Variants in PTAFR observed in about 807,000 individuals in gnomAD.
PTAFR encodes platelet-activating factor receptor.
PTAFR carries 8 observed loss-of-function variants against 14.7 expected under a neutral mutation model. That is an observed-to-expected ratio of 0.54 (90% CI 0.32 to 0.98). The LOEUF (loss-of-function observed/expected upper bound fraction) is 0.98. Among genes scored for constraint, PTAFR ranks in the 50% least tolerant of loss-of-function variants. The pLI is 0.04. For synonymous variants in PTAFR, 156 were observed against 176.5 expected, an observed-to-expected ratio of 0.88 and a Z score of 0.92; for missense variants, 337 against 451.2, an observed-to-expected ratio of 0.75 and a Z score of 2.29.
intron 1 of PTAFR, among the ~76,000 whole-genome samples, chr1:28,184,063 C>T (rs536796545): frequency 1.3e-5 from 2 of 149,290 alleles, no homozygotes; most frequent in South Asian, 2.1e-4. Context: ...TGCTTCCATA[C>T]TCACGTCCCC....
chr1:28,179,502 T>C (rs1646545759), upstream of PTAFR, among the ~76,000 whole-genome samples: 1 of 152,188 alleles, frequency 6.6e-6, no homozygotes, highest in Admixed American at 6.6e-5. Context: ...TAGCAAATTA[T>C]GTTGGCTCCA....
chr1:28,157,011 T>C (rs77257067), intron 1 of PTAFR, among the ~76,000 whole-genome samples: 4,784 of 152,248 alleles, frequency 0.031, 254 homozygotes, highest in African/African-American at 0.11. Context: ...TCCTGCACCC[T>C]GCCTGCCCAC....
At chr1:28,169,468 G>A (rs1166691542) in intron 1 of PTAFR, among the ~76,000 whole-genome samples, 1 of 152,118 alleles carries the variant, frequency 6.6e-6, no homozygotes, top group Non-Finnish European at 1.5e-5. Context: ...TTCATCAAGC[G>A]AAATAAAGGA....
intron 1 of PTAFR, among the ~76,000 whole-genome samples, chr1:28,192,155 T>G (rs1646658905): frequency 1.3e-5 from 2 of 152,080 alleles, no homozygotes; most frequent in South Asian, 2.1e-4. Flanking sequence ...CATTACAGCC[T>G]CTTAGTTGTG....
At position 28,148,533 on chromosome 1, in the gene PTAFR, A is replaced by C. The variant is rs2148990754; in HGVS notation, c.*1460T>G. The C allele has an allele frequency of 6.5e-6, 1 of 153,300 alleles. No individual in the cohort carries two copies. Among genetic ancestry groups the C allele is most frequent in the African/African-American group, 2.4e-5 (1 of 41,570 alleles). 9.5% of individuals were successfully genotyped at this position (153,300 alleles called of 1,614,324 possible). Reference sequence around the variant, plus strand: ...AGTCTCACTCTGTCGCCCAGGCTGGAGAGCAGTGGCGTGATCTCGGCTCAC... The same window carrying C: ...AGTCTCACTCTGTCGCCCAGGCTGGCGAGCAGTGGCGTGATCTCGGCTCAC... On this transcript the variant is annotated 3_prime_UTR_variant, in exon 2 of 2. Coordinates refer to ENST00000373857, the MANE Select transcript of PTAFR (RefSeq NM_000952.5).
intron 1 of PTAFR, among the ~76,000 whole-genome samples, chr1:28,166,563 C>T (rs374355276): frequency 1.4e-3 from 220 of 151,782 alleles, no homozygotes; most frequent in African/African-American, 5.0e-3. Flanking sequence ...CCCAGCTACT[C>T]GGGAGGCTGA....
intron 1 of PTAFR, among the ~76,000 whole-genome samples, chr1:28,157,347 C>A (rs1646275502): frequency 2.0e-5 from 3 of 151,992 alleles, no homozygotes; most frequent in Admixed American, 6.6e-5. Context: ...CCCACCATGG[C>A]CAGCTAATTT....
chr1:28,157,165 GGCT>G, intron 1 of PTAFR, among the ~76,000 whole-genome samples: 1 of 151,902 alleles, frequency 6.6e-6, no homozygotes, highest in Non-Finnish European at 1.5e-5. Context: ...TTTGAGACAG[GGCT>G]TGGCTCTGTC....
At position 28,159,442 on chromosome 1, in the gene PTAFR, C is replaced by T. The variant is rs143121303; in HGVS notation, c.-38-8383G>A. Among the ~76,000 whole-genome samples the T allele has an allele frequency of 4.6e-5, 7 of 152,278 alleles. No homozygotes were observed. The East Asian group carries it at 1.3e-3, about 29-fold the overall frequency. On this transcript the variant is annotated intron_variant, in intron 1 of 1. Transcript: ENST00000373857. ...TGGATGTGGAAACATGGAAATCAAT[C>T]TCATGTGATCAGATCATGTGATCAC...
intron 1 of PTAFR, among the ~76,000 whole-genome samples, chr1:28,187,439 G>A (rs990459237): frequency 5.3e-5 from 8 of 151,992 alleles, no homozygotes; most frequent in African/African-American, 1.2e-4. Flanking sequence ...AACAACCCAC[G>A]AAAAGCAAAA....
intron 1 of PTAFR, among the ~76,000 whole-genome samples, chr1:28,167,999 C>T (rs1186759008): frequency 7.8e-6 from 1 of 128,508 alleles, no homozygotes; most frequent in Non-Finnish European, 1.6e-5. Context: ...CGCTCTGTAG[C>T]GCAGGCTGGA....
intron 1 of PTAFR, among the ~76,000 whole-genome samples, chr1:28,175,798 A>T (rs2149003833): frequency 6.6e-6 from 1 of 152,210 alleles, no homozygotes; most frequent in Middle Eastern, 3.4e-3. Context: ...ATATGACCCG[A>T]CAATTCTGTG....
At position 28,148,354 on chromosome 1, in the gene PTAFR, G is replaced by A. The variant is rs1463066552; in HGVS notation, c.*1639C>T. 6.6e-6 allele frequency: 1 copy of A among 152,266 alleles called. No homozygotes were observed. The highest frequency in any genetic ancestry group is 1.5e-5 in the Non-Finnish European group (1 of 68,064). 9.4% of individuals were successfully genotyped at this position (152,266 alleles called of 1,614,324 possible). A position where few individuals can be genotyped will look rare whatever the true frequency, so the allele number is the denominator to read the frequency against. ...TTAGGAGGACCCTCCCAGAGGGCAAGGGAGGAGAGAACTGACAGACCCTTC... is the reference window on the plus strand; with the variant it reads ...TTAGGAGGACCCTCCCAGAGGGCAAAGGAGGAGAGAACTGACAGACCCTTC... On this transcript the variant is annotated 3_prime_UTR_variant, in exon 2 of 2. Transcript: ENST00000373857.
chr1:28,170,108 C>T (rs1646435578), intron 1 of PTAFR, among the ~76,000 whole-genome samples: 1 of 152,160 alleles, frequency 6.6e-6, no homozygotes, highest in African/African-American at 2.4e-5. Context: ...GGAAATTCCA[C>T]CTCAAGTTCC....
chr1:28,173,955 G>A (rs1310065968), intron 1 of PTAFR, among the ~76,000 whole-genome samples: 3 of 152,144 alleles, frequency 2.0e-5, no homozygotes, highest in Non-Finnish European at 4.4e-5. Context: ...CTCCTGGGAG[G>A]GGAGCTGTCT....
chr1:28,190,893 C>T (rs1256334762), intron 1 of PTAFR, among the ~76,000 whole-genome samples: 1 of 152,186 alleles, frequency 6.6e-6, no homozygotes, highest in Non-Finnish European at 1.5e-5. Context: ...CACTTCACAA[C>T]GGTGTCACCT....
Position 28,149,962 on chromosome 1 carries a change from G to A in PTAFR, c.*31C>T. 1 of 1,587,630 alleles carries A rather than the reference G, an allele frequency of 6.3e-7. No homozygotes were observed. The highest frequency in any genetic ancestry group is 8.6e-7 in the Non-Finnish European group (1 of 1,165,930). On this transcript the variant is annotated 3_prime_UTR_variant, in exon 2 of 2. Coordinates refer to ENST00000373857, the MANE Select transcript of PTAFR (RefSeq NM_000952.5). ...CCCAGCTCAGTCCATGATGTTCATG[G>A]AGGAGAAGACTTCAGGCCTGGAAGC...
chr1:28,183,283 G>C (rs1203717800), intron 1 of PTAFR, among the ~76,000 whole-genome samples: 3 of 152,212 alleles, frequency 2.0e-5, no homozygotes, highest in Admixed American at 2.0e-4. Context: ...CAATGAAGAT[G>C]CTGGCGTAAA....
rs1209782398 is a variant in PTAFR, at chr1:28,150,774, C to T, written c.248G>A (p.Trp83Ter). Residue 83 changes from tryptophan to a stop codon, truncating the protein, a stop_gained, in exon 2 of 2, where the codon TGG becomes TAG. Transcript: ENST00000373857. LOFTEE classifies it high-confidence loss of function. This position sits in a 1 kb window ranked among gnomAD's most constrained non-coding sequence, Gnocchi z 6.3. Reference protein sequence around the residue: ...WIVYYQNQGNWILPKFLCNVA... With the variant: ...WIVYYQNQGN ...GTTGCACAGGAATTTGGGGAGTATC[C>T]AGTTGCCCTGGTTTTGGTAGTAGAC... 6.2e-7 allele frequency: 1 copy of T among 1,613,954 alleles called. No individual in the cohort carries two copies. The highest frequency in any genetic ancestry group is 8.5e-7 in the Non-Finnish European group (1 of 1,180,010).
Sources: gnomAD v4.1 joint callset for allele counts (sites outside exome capture counted in the v4.1 genomes callset) on GRCh38, gnomAD v4.1.1 for gene constraint, Gnocchi (gnomAD v3.1) non-coding constraint, MANE v1.5 for transcripts, NCBI Gene and HGNC (gene_info 2026-07-23, HGNC 2026-07-21) for gene names.